CEP192: variants seen among roughly 807,000 people sequenced by gnomAD.
CEP192 encodes centrosomal protein 192.
A neutral mutation model predicts 271.8 loss-of-function variants in CEP192; 151 were observed. The observed-to-expected ratio is 0.56, with a 90% confidence interval of 0.49 to 0.64. The LOEUF (loss-of-function observed/expected upper bound fraction) is 0.64. Among genes scored for constraint, CEP192 ranks in the 30% least tolerant of loss-of-function variants. The pLI, the probability that CEP192 is intolerant of heterozygous loss-of-function variation, is 0.00. For missense variants in CEP192, 2,910 were observed against 3,020.5 expected (o/e 0.96, Z 0.86); for synonymous variants, 995 against 1,076.5 (o/e 0.92, Z 1.48).
chr18:13,069,543 G>A (rs2037897583), intron 26 of CEP192, among the ~76,000 whole-genome samples, 195 bp from the exon 27 acceptor site: 1 of 152,114 alleles, frequency 6.6e-6, no homozygotes, highest in Admixed American at 6.5e-5. Flanking sequence ...TGGGTGAGGT[G>A]GAAGATAAGG....
rs566800383 is a variant in CEP192, at chr18:13,097,655, T to A, written c.6557+1348T>A. Among the ~76,000 whole-genome samples, 1,275 of 150,382 alleles carry A rather than the reference T, an allele frequency of 8.5e-3. 11 individuals are homozygous for A. Among genetic ancestry groups the A allele is most frequent in the African/African-American group, 0.025 (1,039 of 41,148 alleles). On this transcript the variant is annotated intron_variant, in intron 36 of 44. Coordinates refer to ENST00000506447, the MANE Select transcript of CEP192 (RefSeq NM_032142.4). Reference sequence around the variant, plus strand: ...TTTTTTTTTTTTAACTATTATTTTTTTTTTTTTTATTGATCATTCTTGGGT... The same window carrying A: ...TTTTTTTTTTTTAACTATTATTTTTATTTTTTTTATTGATCATTCTTGGGT...
chr18:13,121,626 C>A (rs553411736), intron 44 of CEP192, among the ~76,000 whole-genome samples: 3 of 152,308 alleles, frequency 2.0e-5, no homozygotes, highest in Admixed American at 2.0e-4. Context: ...TCATCTCTTT[C>A]TTATATCTTT....
intron 17 of CEP192, among the ~76,000 whole-genome samples, chr18:13,050,527 C>T (rs923310011): frequency 1.3e-5 from 2 of 151,978 alleles, no homozygotes; most frequent in African/African-American, 4.8e-5. Flanking sequence ...CAGTTTGAAA[C>T]ACTTTCATAT....
At chr18:13,098,396 G>T (rs935717839) in intron 36 of CEP192, among the ~76,000 whole-genome samples, 26 of 150,266 alleles carry the variant, frequency 1.7e-4, no homozygotes, top group Admixed American at 1.6e-3. Flanking sequence ...GGCGGCTGCC[G>T]GGCGGAGGGG....
At chr18:13,108,607 A>G (rs1004310460) in intron 40 of CEP192, among the ~76,000 whole-genome samples, 3 of 152,218 alleles carry the variant, frequency 2.0e-5, no homozygotes, top group Non-Finnish European at 4.4e-5. Flanking sequence ...ATGAGATACC[A>G]TCTCACAGCA....
At chr18:13,060,517 T>G (rs186464005) in intron 21 of CEP192, among the ~76,000 whole-genome samples, 14 of 152,324 alleles carry the variant, frequency 9.2e-5, no homozygotes, top group Non-Finnish European at 8.8e-5. Context: ...GATGGCTATA[T>G]CACAAGGTGT....
At chr18:13,064,060 C>T (rs1177792506) in intron 21 of CEP192, among the ~76,000 whole-genome samples, 1 of 151,618 alleles carries the variant, frequency 6.6e-6, no homozygotes, top group African/African-American at 2.4e-5. Flanking sequence ...ACCTTGTGAT[C>T]CCTCCACCTC....
intron 30 of CEP192, among the ~76,000 whole-genome samples, chr18:13,081,067 G>T (rs1013834597): frequency 2.0e-5 from 3 of 152,236 alleles, no homozygotes; most frequent in Non-Finnish European, 4.4e-5. Context: ...TTTTCCCATC[G>T]ATGTTCATCA....
At chr18:13,007,827 GCT>G (rs1257984326) in intron 3 of CEP192, among the ~76,000 whole-genome samples, 1 of 152,182 alleles carries the variant, frequency 6.6e-6, no homozygotes, top group African/African-American at 2.4e-5. Context: ...TTTGAGTCTG[GCT>G]CTAGGTATCA....
At chr18:13,040,228 A>G (rs1375611880) in intron 13 of CEP192, among the ~76,000 whole-genome samples, 1 of 152,252 alleles carries the variant, frequency 6.6e-6, no homozygotes, top group South Asian at 2.1e-4. Context: ...AAGTTACTGA[A>G]TCAAGGGAAG....
rs752551799 is a variant in CEP192, at chr18:13,017,289, G to C, written c.742G>C (p.Glu248Gln). 2.4e-5 allele frequency: 37 copies of C among 1,549,302 alleles called. No individual in the cohort carries two copies. Among genetic ancestry groups the C allele is most frequent in the Non-Finnish European group, 3.0e-5 (34 of 1,146,244 alleles). Residue 248 changes from glutamate to glutamine, a missense_variant, in exon 7 of 45, where the codon GAA becomes CAA. Transcript: ENST00000506447. ...GATATATGAAGACCTAGAAGGACCA[G>C]AACCTCCAGAAAAAGGTTTTAAGTT... ...GMIYEDLEGP[E>Q]PPEKGFKLPT... is the part of the protein sequence containing the mutation.
intron 3 of CEP192, 70 bp downstream of exon 3, chr18:13,001,652 A>C (rs984619308): frequency 7.4e-7 from 1 of 1,355,022 alleles, no homozygotes; most frequent in Non-Finnish European, 9.8e-7. Context: ...GGAAAATGAC[A>C]ATGTGATTGT....
At chr18:13,086,579 C>T (rs553077691) in intron 30 of CEP192, among the ~76,000 whole-genome samples, 1 of 152,160 alleles carries the variant, frequency 6.6e-6, no homozygotes, top group Non-Finnish European at 1.5e-5. Context: ...AAATCACCCG[C>T]CTTCAGTATT....
rs888849997 is a variant in CEP192 at position 13,087,166 on chromosome 18, A to G, written c.5766A>G (p.Ala1922=). The G allele has an allele frequency of 2.5e-6, 4 of 1,614,164 alleles. No homozygotes were observed. The highest frequency in any genetic ancestry group is 3.4e-6 in the Non-Finnish European group (4 of 1,179,994). ...VFSVRNTGSR[A]AFVKAVGFKD... ...CTGTCCGCAACACTGGCTCCCGAGC[A>G]GCTTTTGTTAAAGCAGTAGGTTTTA... Residue 1922 remains alanine, a synonymous_variant, in exon 31 of 45, where the codon GCA becomes GCG. Transcript: ENST00000506447.
rs149193512 is a variant in CEP192, at chr18:13,019,206, T to C, written c.1050T>C (p.Ser350=). ...NLKGIVPDLN[S]ECASKDVLVK... Reference sequence around the variant, plus strand: ...AGGGTATTGTTCCAGATCTTAACAGTGTAAGTTATGCATTTTTCTTAGATT... The same window carrying C: ...AGGGTATTGTTCCAGATCTTAACAGCGTAAGTTATGCATTTTTCTTAGATT... Residue 350 remains serine, a splice_region_variant and synonymous_variant, in exon 9 of 45, where the codon AGT becomes AGC. Transcript: ENST00000506447. 1.4e-3 allele frequency: 2,095 copies of C among 1,495,366 alleles called. 28 individuals are homozygous for C. The African/African-American group carries it at 0.022, about 15-fold the overall frequency. The allele number at this position is 1,495,366 out of a possible 1,614,324, so 92.6% of individuals were successfully genotyped here.
chr18:13,030,138 A>C (rs543959589), intron 10 of CEP192, 136 bp downstream of exon 10: 2 of 736,536 alleles, frequency 2.7e-6, no homozygotes, highest in African/African-American at 1.8e-5. Context: ...CAAAATTTTA[A>C]ATCTACTTGT....
rs147829646 is a variant in CEP192 at position 13,074,396 on chromosome 18, G to A, written c.5616+1211G>A. On this transcript the variant is annotated intron_variant, in intron 30 of 44. Transcript: ENST00000506447. ...TGCCAGAGCCTTTAAGCTCTCTGACGATCTGATTTTGTGTGAGGATAATGC... is the reference window on the plus strand; with the variant it reads ...TGCCAGAGCCTTTAAGCTCTCTGACAATCTGATTTTGTGTGAGGATAATGC... Among the ~76,000 whole-genome samples the A allele has an allele frequency of 4.2e-3, 643 of 152,236 alleles. 5 individuals carry two copies. Among genetic ancestry groups the A allele is most frequent in the African/African-American group, 0.014 (593 of 41,542 alleles).
intron 33 of CEP192, among the ~76,000 whole-genome samples, chr18:13,089,804 T>G (rs570518702): frequency 1.3e-5 from 2 of 152,286 alleles, no homozygotes; most frequent in African/African-American, 4.8e-5. Context: ...CCATACAGAG[T>G]TGTTATAAGT....
chr18:13,071,337 A>C, intron 28 of CEP192, 125 bp downstream of exon 28: 1 of 762,314 alleles, frequency 1.3e-6, no homozygotes, highest in Non-Finnish European at 2.1e-6. Flanking sequence ...GCAGAACTGG[A>C]AAAACCTAGA....
Sources: gnomAD v4.1 joint callset for allele counts (sites outside exome capture counted in the v4.1 genomes callset) on GRCh38, gnomAD v4.1.1 for gene constraint, MANE v1.5 for transcripts, NCBI Gene and HGNC (gene_info 2026-07-23, HGNC 2026-07-21) for gene names.